NUP93: variants seen among roughly 807,000 people sequenced by gnomAD.
NUP93 encodes nuclear pore complex protein Nup93.
A neutral mutation model predicts 107.8 loss-of-function variants in NUP93; 55 were observed. The ratio of observed to expected loss-of-function variants is 0.51; its 90% CI spans 0.41 to 0.64. The LOEUF (loss-of-function observed/expected upper bound fraction) is 0.64. NUP93 is among the 30% of genes least tolerant of loss of function. The pLI is 0.00. For missense variants in NUP93, 937 were observed against 1,044.7 expected (o/e 0.90, Z 1.42); for synonymous variants, 390 against 397.5 (o/e 0.98, Z 0.22).
chr16:56,744,417 G>T (rs1208129871), intron 1 of NUP93, among the ~76,000 whole-genome samples: 1 of 152,124 alleles, frequency 6.6e-6, no homozygotes, highest in Admixed American at 6.5e-5. Flanking sequence ...GCATTTTAGC[G>T]CAGTGGGATG....
At chr16:56,828,400 T>A (rs999928022) in intron 8 of NUP93, among the ~76,000 whole-genome samples, 4 of 152,270 alleles carry the variant, frequency 2.6e-5, no homozygotes, top group South Asian at 4.1e-4. Flanking sequence ...CTTGGTATCA[T>A]AATGATACTG....
rs1225494183 is a variant in NUP93, at chr16:56,848,515, CAA to C, written c.*3907_*3908del. The C allele has an allele frequency of 1.3e-5, 2 of 152,218 alleles. No homozygotes were observed. Among genetic ancestry groups the C allele is most frequent in the Non-Finnish European group, 2.9e-5 (2 of 68,046 alleles). 9.4% of individuals were successfully genotyped at this position (152,218 alleles called of 1,614,324 possible). A position where few individuals can be genotyped will look rare whatever the true frequency, so the allele number is the denominator to read the frequency against. On this transcript the variant is annotated 3_prime_UTR_variant, in exon 22 of 22. Coordinates refer to ENST00000308159, the MANE Select transcript of NUP93 (RefSeq NM_014669.5). The stretch of plus-strand genomic sequence containing the variant: ...CATTCTTTATCCTACGCTGAATCCA[CAA>C]GTCTTCCCATCTTCCACCATCTTCT...
intron 3 of NUP93, among the ~76,000 whole-genome samples, chr16:56,761,642 C>T (rs552428004): frequency 6.6e-5 from 10 of 152,108 alleles, no homozygotes; most frequent in South Asian, 2.1e-4. Context: ...TTATAAGCCA[C>T]TTAAAGTACT....
At chr16:56,810,666 A>C (rs1302566945) in intron 5 of NUP93, among the ~76,000 whole-genome samples, 1 of 152,172 alleles carries the variant, frequency 6.6e-6, no homozygotes, top group East Asian at 1.9e-4. Flanking sequence ...AAATTTTTAA[A>C]AAGTGTACAA....
In NUP93 at chr16:56,847,258, C is replaced by T. The variant is rs1368082923; in HGVS notation, c.*2649C>T. 5.9e-5 allele frequency: 9 copies of T among 152,222 alleles called. No homozygotes were observed. Among genetic ancestry groups the T allele is most frequent in the African/African-American group, 2.2e-4 (9 of 41,456 alleles). The allele number at this position is 152,222 out of a possible 1,614,324, so 9.4% of individuals were successfully genotyped here. On this transcript the variant is annotated 3_prime_UTR_variant, in exon 22 of 22. Transcript: ENST00000308159. ...TGAGAAACAGGCTGAATTTGCAAGG[C>T]CACAACATCAGGTTGTCATGTACCC...
intron 1 of NUP93, among the ~76,000 whole-genome samples, chr16:56,745,040 T>C (rs1245752133): frequency 6.6e-6 from 1 of 152,212 alleles, no homozygotes; most frequent in Non-Finnish European, 1.5e-5. Flanking sequence ...AACAAAACAC[T>C]GTGCTTGTGC....
At chr16:56,816,846 A>C (rs1479071602) in intron 5 of NUP93, among the ~76,000 whole-genome samples, 2 of 152,192 alleles carry the variant, frequency 1.3e-5, no homozygotes, top group Non-Finnish European at 2.9e-5. Flanking sequence ...TTTAAACCGC[A>C]GACACCAGCA....
chr16:56,764,169 A>G (rs1358687699), intron 3 of NUP93, among the ~76,000 whole-genome samples: 1 of 152,230 alleles, frequency 6.6e-6, no homozygotes, highest in Non-Finnish European at 1.5e-5. Flanking sequence ...AATAGAAAGA[A>G]GAAACTAAAT....
chr16:56,843,374 G>T (rs1482968340), intron 21 of NUP93, among the ~76,000 whole-genome samples: 1 of 152,152 alleles, frequency 6.6e-6, no homozygotes, highest in African/African-American at 2.4e-5. Context: ...CTGGTCCCCT[G>T]GCAGGCCATG....
intron 3 of NUP93, among the ~76,000 whole-genome samples, chr16:56,760,613 A>G (rs1962106927): frequency 6.6e-6 from 1 of 152,114 alleles, no homozygotes; most frequent in Non-Finnish European, 1.5e-5. Context: ...CAGATCTCAT[A>G]AGAACTCACT....
At chr16:56,772,272 A>G (rs1375560693) in intron 3 of NUP93, among the ~76,000 whole-genome samples, 1 of 152,178 alleles carries the variant, frequency 6.6e-6, no homozygotes, top group African/African-American at 2.4e-5. Flanking sequence ...CACGGCTGTT[A>G]GAATGGCTCC....
At chr16:56,821,700 G>A (rs1322448839) in intron 7 of NUP93, 107 bp downstream of exon 7, 6 of 664,070 alleles carry the variant, frequency 9.0e-6, no homozygotes, top group Non-Finnish European at 1.6e-5. Flanking sequence ...CCATTCTGTG[G>A]AATGAAATGT....
At chr16:56,786,582 G>C (rs1170813747) in intron 3 of NUP93, among the ~76,000 whole-genome samples, 1 of 152,218 alleles carries the variant, frequency 6.6e-6, no homozygotes, top group Non-Finnish European at 1.5e-5. Context: ...GCTGTGCTTG[G>C]AGTCTTCCTG....
intron 21 of NUP93, 52 bp from the exon 22 acceptor site, chr16:56,844,447 C>T (rs1964084147): frequency 3.7e-6 from 4 of 1,095,022 alleles, no homozygotes; most frequent in Non-Finnish European, 5.0e-6. Flanking sequence ...TGGAATAGTG[C>T]CCTGACTCGA....
rs117633567 is a variant in NUP93 at position 56,832,848 on chromosome 16, C to T, written c.1346-367C>T. Among the ~76,000 whole-genome samples, 54 of 152,288 alleles carry T rather than the reference C, an allele frequency of 3.5e-4. 1 individual carries two copies. The East Asian group carries it at 8.5e-3, about 24-fold the overall frequency. ...CTGTGACTGTGAGTAAACTGAAACTCCTTTGAAATCTTCATTTCTCTCCTT... is the reference window on the plus strand; with the variant it reads ...CTGTGACTGTGAGTAAACTGAAACTTCTTTGAAATCTTCATTTCTCTCCTT... On this transcript the variant is annotated intron_variant, in intron 12 of 21. Transcript: ENST00000308159.
intron 18 of NUP93, 67 bp downstream of exon 18, chr16:56,837,793 AC>A: frequency 8.8e-7 from 1 of 1,142,706 alleles, no homozygotes; most frequent in Non-Finnish European, 1.3e-6. Flanking sequence ...ACCTATGCCC[AC>A]CCAAATGCAT....
At chr16:56,806,645 C>T (rs1963147771) in intron 5 of NUP93, among the ~76,000 whole-genome samples, 1 of 152,148 alleles carries the variant, frequency 6.6e-6, no homozygotes, top group Non-Finnish European at 1.5e-5. Flanking sequence ...ATTTTCTTTT[C>T]AAATGGGCCT....
chr16:56,736,200 C>T (rs971000971), intron 1 of NUP93, among the ~76,000 whole-genome samples: 1 of 152,052 alleles, frequency 6.6e-6, no homozygotes, highest in African/African-American at 2.4e-5. Flanking sequence ...CGTGATGGCA[C>T]GTGCCTGTAA....
At chr16:56,754,728 C>G (rs887975919) in intron 2 of NUP93, among the ~76,000 whole-genome samples, 3 of 152,162 alleles carry the variant, frequency 2.0e-5, no homozygotes, top group Non-Finnish European at 2.9e-5. Context: ...TGGCTTTTTT[C>G]TCACAACTCC....
Sources: allele counts gnomAD v4.1 joint callset (sites outside exome capture counted in the v4.1 genomes callset), GRCh38; gene constraint gnomAD v4.1.1; transcripts MANE v1.5; gene names NCBI Gene and HGNC (gene_info 2026-07-23, HGNC 2026-07-21).